The following CDH9 variants were observed in gnomAD, a reference collection of about 807,000 sequenced individuals.
CDH9 encodes cadherin-9.
In CDH9, 28 loss-of-function variants were observed where a neutral mutation model predicts 70.9. The observed-to-expected ratio is 0.40, with a 90% CI of 0.29 to 0.54. The LOEUF (loss-of-function observed/expected upper bound fraction) is 0.54, where lower values mean the gene tolerates loss of function less well. CDH9 is among the 20% of genes least tolerant of loss of function. CDH9 has a pLI of 0.59. For synonymous variants in CDH9, 409 were observed against 343.1 expected (o/e 1.19, Z -2.12); for missense variants, 874 against 984.4 (o/e 0.89, Z 1.50).
chr5:26,950,498 T>C (rs959013100), intron 2 of CDH9, among the ~76,000 whole-genome samples: 1 of 152,222 alleles, frequency 6.6e-6, no homozygotes, highest in Non-Finnish European at 1.5e-5. Flanking sequence ...CTAGAAACTT[T>C]CCAGAGAAGG....
At chr5:26,928,301 G>C (rs768960284) in intron 2 of CDH9, among the ~76,000 whole-genome samples, 1 of 151,946 alleles carries the variant, frequency 6.6e-6, no homozygotes, top group African/African-American at 2.4e-5. Context: ...AGAAGTGAGA[G>C]ATCTCTGCAA....
chr5:26,886,752 T>A (rs1054898838), intron 9 of CDH9, among the ~76,000 whole-genome samples: 3 of 152,172 alleles, frequency 2.0e-5, no homozygotes, highest in Admixed American at 1.3e-4. Flanking sequence ...GAGCACCTCT[T>A]GGCTGAGCTA....
At chr5:26,977,293 A>T (rs932227236) in intron 2 of CDH9, among the ~76,000 whole-genome samples, 2 of 152,000 alleles carry the variant, frequency 1.3e-5, no homozygotes, top group African/African-American at 4.8e-5. Flanking sequence ...AGTCACAGTG[A>T]TCTTCTAAAG....
intron 1 of CDH9, among the ~76,000 whole-genome samples, chr5:27,036,520 A>T (rs905563573): frequency 6.6e-6 from 1 of 151,948 alleles, no homozygotes; most frequent in South Asian, 2.1e-4. Context: ...ATATTTTAAA[A>T]CTATCAAATA....
At chr5:27,018,840 C>A (rs1743089031) in intron 1 of CDH9, among the ~76,000 whole-genome samples, 1 of 151,930 alleles carries the variant, frequency 6.6e-6, no homozygotes, top group Non-Finnish European at 1.5e-5. Flanking sequence ...AGATGTCCAG[C>A]AGTCCAGTCT....
At chr5:26,956,910 T>C (rs1003595572) in intron 2 of CDH9, among the ~76,000 whole-genome samples, 1 of 151,962 alleles carries the variant, frequency 6.6e-6, no homozygotes. Context: ...TTAAAATATA[T>C]AAACATTAAG....
Position 26,921,988 on chromosome 5 carries a change from G to A in CDH9, c.229-6064C>T, listed in dbSNP as rs563893235. Among the ~76,000 whole-genome samples the A allele has an allele frequency of 4.0e-5, 6 of 148,744 alleles. No individual in the cohort carries two copies. The South Asian group carries it at 1.3e-3, about 31-fold the overall frequency. On this transcript the variant is annotated intron_variant, in intron 2 of 11. Coordinates refer to ENST00000231021, the MANE Select transcript of CDH9 (RefSeq NM_016279.4). ...ATTGATTAAACAGAAGAAACAATTAGCTTGAAGACAGGCTATTTGAAAAAA... is the reference window on the plus strand; with the variant it reads ...ATTGATTAAACAGAAGAAACAATTAACTTGAAGACAGGCTATTTGAAAAAA...
At chr5:26,923,521 C>CA (rs1741283656) in intron 2 of CDH9, among the ~76,000 whole-genome samples, 1 of 151,782 alleles carries the variant, frequency 6.6e-6, no homozygotes, top group South Asian at 2.1e-4. Flanking sequence ...ATCATCTAGA[C>CA]AAAAAAATCA....
rs140950685 is a variant in CDH9, at chr5:27,008,526, A to G, written c.-49-20144T>C. Among the ~76,000 whole-genome samples, 195 of 152,214 alleles carry G rather than the reference A, an allele frequency of 1.3e-3. 4 individuals are homozygous for G. The East Asian group carries it at 0.022, about 17-fold the overall frequency. On this transcript the variant is annotated intron_variant, in intron 1 of 11. Transcript: ENST00000231021. ...GTATATGTATAGCAAGAACCTAAGA[A>G]ATAAGTACATCTATAATATAAAATT... is the stretch of plus-strand genomic sequence containing the variant.
chr5:26,914,314 T>G (rs763300755), intron 3 of CDH9, among the ~76,000 whole-genome samples: 1 of 151,978 alleles, frequency 6.6e-6, no homozygotes, highest in African/African-American at 2.4e-5. Flanking sequence ...TAATTTTATA[T>G]GTACCTTAAT....
At chr5:26,930,141 A>T (rs1391844082) in intron 2 of CDH9, among the ~76,000 whole-genome samples, 1 of 152,094 alleles carries the variant, frequency 6.6e-6, no homozygotes, top group Non-Finnish European at 1.5e-5. Flanking sequence ...ACCTACATAA[A>T]TATAAAAAAT....
In CDH9 at chr5:26,881,236, G is replaced by A; in HGVS notation, c.2270C>T (p.Thr757Ile). Residue 757 changes from threonine (T) to isoleucine (I), a missense_variant, in exon 12 of 12, where the codon ACA (threonine) becomes ATA (isoleucine). Thr to Ile is a moderately conservative substitution (Grantham distance 89). Coordinates refer to ENST00000231021, the MANE Select transcript of CDH9 (RefSeq NM_016279.4). ...ADSLSSLESL[T>I]ADCNQDYDYL... Reference sequence around the variant, plus strand: ...ATCATAATCTTGGTTACAATCAGCTGTGAGAGATTCCAAAGAACTGAGCGA... The same window carrying A: ...ATCATAATCTTGGTTACAATCAGCTATGAGAGATTCCAAAGAACTGAGCGA... 2.5e-6 allele frequency: 4 copies of A among 1,613,416 alleles called. No homozygotes were observed. The highest frequency in any genetic ancestry group is 3.4e-6 in the Non-Finnish European group (4 of 1,179,494).
intron 7 of CDH9, among the ~76,000 whole-genome samples, chr5:26,891,586 G>A (rs902873586): frequency 1.3e-5 from 2 of 152,158 alleles, no homozygotes; most frequent in Non-Finnish European, 1.5e-5. Context: ...GCTGAGGCAG[G>A]AGAATCACTT....
At chr5:26,983,099 G>GAAC (rs375266248) in intron 2 of CDH9, among the ~76,000 whole-genome samples, 37 of 152,050 alleles carry the variant, frequency 2.4e-4, no homozygotes, top group Non-Finnish European at 4.1e-4. Flanking sequence ...GACATAGAGT[G>GAAC]AACAACAACA....
intron 2 of CDH9, among the ~76,000 whole-genome samples, chr5:26,980,079 T>C (rs73073589): frequency 0.028 from 4,222 of 151,928 alleles, 179 homozygotes; most frequent in African/African-American, 0.098. Context: ...TTCAAGTATA[T>C]AAGAAACATT....
At chr5:27,034,070 T>C (rs1743352289) in intron 1 of CDH9, among the ~76,000 whole-genome samples, 1 of 151,748 alleles carries the variant, frequency 6.6e-6, no homozygotes, top group Admixed American at 6.6e-5. Context: ...ACTGTGTTAA[T>C]AATATATAAA....
chr5:26,991,478 C>T (rs1742577969), intron 1 of CDH9, among the ~76,000 whole-genome samples: 1 of 152,132 alleles, frequency 6.6e-6, no homozygotes, highest in South Asian at 2.1e-4. Context: ...TAGAGCTTTC[C>T]TACAGAATCG....
At chr5:26,986,173 A>G (rs1052564577) in intron 2 of CDH9, among the ~76,000 whole-genome samples, 1 of 152,060 alleles carries the variant, frequency 6.6e-6, no homozygotes, top group African/African-American at 2.4e-5. Context: ...GAAATAGTTG[A>G]CAGGTGGTTT....
intron 10 of CDH9, 39 bp from the exon 11 acceptor site, chr5:26,885,904 A>G (rs989477461): frequency 1.9e-6 from 3 of 1,604,030 alleles, no homozygotes; most frequent in Non-Finnish European, 2.6e-6. Flanking sequence ...AAACTTTCAT[A>G]TTTGTTTTTA....
Sources: gnomAD v4.1 joint callset for allele counts (sites outside exome capture counted in the v4.1 genomes callset) on GRCh38, gnomAD v4.1.1 for gene constraint, MANE v1.5 for transcripts, NCBI Gene and HGNC (gene_info 2026-07-23, HGNC 2026-07-21) for gene names.